MYO5C: variants seen among roughly 807,000 people sequenced by gnomAD.
MYO5C encodes unconventional myosin-Vc.
In MYO5C, 194 loss-of-function variants were observed where a neutral mutation model predicts 235.7. The ratio of observed to expected loss-of-function variants is 0.82; its 90% CI spans 0.73 to 0.93. MYO5C has a LOEUF of 0.93. MYO5C is among the 40% of genes least tolerant of loss of function. The probability of loss-of-function intolerance (pLI) is 0.00; values close to 1 mark genes in which losing one functional copy is unlikely to be tolerated. For missense variants in MYO5C, 2,038 were observed against 2,127.2 expected (o/e 0.96, Z 0.82); for synonymous variants, 707 against 754.8 (o/e 0.94, Z 1.04).
rs748048134 is a variant in MYO5C, at chr15:52,251,488, G to A, written c.1564C>T (p.Leu522Phe). 8 of 1,607,240 alleles carry A rather than the reference G, an allele frequency of 5.0e-6. No homozygotes were observed. The highest frequency in any genetic ancestry group is 6.0e-6 in the Non-Finnish European group (7 of 1,176,292). ...ACAAAATTATTATACAGCTTTTGAA[G>A]CCAGTTTTCATCAGTTCCATGTGGT... ...LLPHGTDENW[L>F]QKLYNNFVNR... Residue 522 changes from leucine (L) to phenylalanine (F), a missense_variant, in exon 13 of 41, where the codon CTT (leucine) becomes TTT (phenylalanine). Transcript: ENST00000261839.
Position 52,195,428 on chromosome 15 carries a change from AG to A in MYO5C, c.5024del (p.Pro1675LeufsTer2). The A allele has an allele frequency of 6.2e-7, 1 of 1,613,204 alleles. No individual in the cohort carries two copies. The highest frequency in any genetic ancestry group is 8.5e-7 in the Non-Finnish European group (1 of 1,179,470). On this transcript the variant is annotated frameshift_variant, in exon 40 of 41. Transcript: ENST00000261839. LOFTEE classifies it high-confidence loss of function. Reference sequence around the variant, plus strand: ...TCACTCTCTTCTCAAAGTCATCTATAGGTGTGTATGAATTAAGGATCTTTAT... The same window carrying A: ...TCACTCTCTTCTCAAAGTCATCTATAGTGTGTATGAATTAAGGATCTTTAT... Reference protein sequence around the residue: ...QIIKILNSYTPIDDFEKRVTP... With the variant: ...QIIKILNSYTXIDDFEKRVTP...
chr15:52,234,989 C>T (rs1279195088), intron 23 of MYO5C, among the ~76,000 whole-genome samples: 1 of 109,330 alleles, frequency 9.1e-6, no homozygotes, highest in African/African-American at 5.5e-5. Context: ...TCAGGGATCA[C>T]CAGGCTCTGT....
intron 8 of MYO5C, among the ~76,000 whole-genome samples, chr15:52,268,063 A>AG (rs1240499034): frequency 2.0e-5 from 3 of 152,226 alleles, no homozygotes; most frequent in African/African-American, 4.8e-5. Flanking sequence ...AGCAGGTTTG[A>AG]GGGAACAGTC....
At chr15:52,222,671 G>C (rs192746979) in intron 29 of MYO5C, among the ~76,000 whole-genome samples, 2 of 151,994 alleles carry the variant, frequency 1.3e-5, no homozygotes, top group African/African-American at 4.8e-5. Context: ...AGTATGCCTA[G>C]AGGGTCTTTG....
chr15:52,225,855 G>A (rs1208434504), intron 25 of MYO5C, among the ~76,000 whole-genome samples: 1 of 152,082 alleles, frequency 6.6e-6, no homozygotes, highest in Non-Finnish European at 1.5e-5. Flanking sequence ...TTTGAGACCA[G>A]CCTGACCAAC....
At chr15:52,201,110 G>A (rs1207524570) in intron 38 of MYO5C, among the ~76,000 whole-genome samples, 2 of 152,176 alleles carry the variant, frequency 1.3e-5, no homozygotes, top group African/African-American at 4.8e-5. Context: ...CAAAGAGTAT[G>A]ATGCAGACAA....
chr15:52,197,824 C>A (rs1055656769), intron 38 of MYO5C, among the ~76,000 whole-genome samples: 3 of 151,812 alleles, frequency 2.0e-5, no homozygotes, highest in African/African-American at 7.3e-5. Flanking sequence ...TTAGTAGAGA[C>A]AGGGTTTCAC....
At chr15:52,236,537 G>T (rs1415477562) in intron 22 of MYO5C, among the ~76,000 whole-genome samples, 3 of 152,194 alleles carry the variant, frequency 2.0e-5, no homozygotes, top group African/African-American at 7.2e-5. Flanking sequence ...TTAGCCGGGC[G>T]TCATGGCGCA....
rs2036759139 is a variant in MYO5C at position 52,264,425 on chromosome 15, A to G, written c.941-129T>C. 13 of 696,228 alleles carry G rather than the reference A, an allele frequency of 1.9e-5. No homozygotes were observed. The South Asian group carries it at 2.4e-4, about 13-fold the overall frequency. 43.1% of individuals were successfully genotyped at this position (696,228 alleles called of 1,614,324 possible). A position where few individuals can be genotyped will look rare whatever the true frequency, so the allele number is the denominator to read the frequency against. Reference sequence around the variant, plus strand: ...GCTCTGGGACAGGAACGTGAAGTGGACCCCAGGGGCATCTGGGGCACTGTT... The same window carrying G: ...GCTCTGGGACAGGAACGTGAAGTGGGCCCCAGGGGCATCTGGGGCACTGTT... On this transcript the variant is annotated intron_variant, in intron 8 of 40. Coordinates refer to ENST00000261839, the MANE Select transcript of MYO5C (RefSeq NM_018728.4).
At chr15:52,225,931 T>C (rs899598002) in intron 25 of MYO5C, among the ~76,000 whole-genome samples, 7 of 152,020 alleles carry the variant, frequency 4.6e-5, no homozygotes, top group Non-Finnish European at 8.8e-5. Flanking sequence ...ACGCCTGTAA[T>C]CCTAGCTACT....
At chr15:52,272,246 C>A (rs1208501377) in intron 6 of MYO5C, among the ~76,000 whole-genome samples, 1 of 152,212 alleles carries the variant, frequency 6.6e-6, no homozygotes, top group African/African-American at 2.4e-5. Context: ...CCATTCCCTT[C>A]CTGATAGGAA....
chr15:52,279,160 T>C, intron 3 of MYO5C, 143 bp from the exon 4 acceptor site: 2 of 857,602 alleles, frequency 2.3e-6, no homozygotes, highest in Admixed American at 2.8e-5. Context: ...ACTGAATTAA[T>C]TCCCTGCCAG....
chr15:52,247,508 G>C lies in MYO5C; in HGVS notation c.1831C>G (p.Gln611Glu). ...TGCTTGCTGTTTGGCTTGATGACTT[G>C]CTTTGCAGATTTAACTGTAATCATT... ...GSMITVKSAK[Q>E]VIKPNSKHFR... is the part of the protein sequence containing the mutation. Residue 611 changes from glutamine (Q) to glutamate (E), a missense_variant, in exon 15 of 41, where the codon CAA becomes GAA. Coordinates refer to ENST00000261839, the MANE Select transcript of MYO5C (RefSeq NM_018728.4). 2.5e-6 allele frequency: 4 copies of C among 1,614,160 alleles called. No homozygotes were observed. The highest frequency in any genetic ancestry group is 3.4e-6 in the Non-Finnish European group (4 of 1,180,020).
chr15:52,244,476 C>T lies in MYO5C; in HGVS notation c.2270G>A (p.Arg757Lys), dbSNP rs775048651. Residue 757 changes from arginine (R) to lysine (K), a missense_variant, in exon 19 of 41, where the codon AGG becomes AAG. Coordinates refer to ENST00000261839, the MANE Select transcript of MYO5C (RefSeq NM_018728.4). Reference sequence around the variant, plus strand: ...CTTTTGTACCATAACACAACTCTGCCTCAGTTTATCCAATCGAAGTTTCTC... The same window carrying T: ...CTTTTGTACCATAACACAACTCTGCTTCAGTTTATCCAATCGAAGTTTCTC... ...YLEKLRLDKL[R>K]QSCVMVQKHM... The T allele has an allele frequency of 6.2e-7, 1 of 1,614,164 alleles. No individual in the cohort carries two copies. Among genetic ancestry groups the T allele is most frequent in the Non-Finnish European group, 8.5e-7 (1 of 1,180,042 alleles).
intron 29 of MYO5C, 150 bp from the exon 30 acceptor site, chr15:52,221,405 A>AT (rs558803588): frequency 3.7e-4 from 206 of 563,912 alleles, no homozygotes; most frequent in South Asian, 1.0e-3. Flanking sequence ...CTGGATTAAC[A>AT]TTTTTTTTTA....
chr15:52,234,838 A>C (rs539684636), intron 23 of MYO5C, among the ~76,000 whole-genome samples: 107 of 152,184 alleles, frequency 7.0e-4, no homozygotes, highest in South Asian at 3.3e-3. Flanking sequence ...TCTGGGCCCC[A>C]TCATATCCAC....
chr15:52,249,844 G>A (rs572876075), intron 13 of MYO5C, among the ~76,000 whole-genome samples: 2 of 152,186 alleles, frequency 1.3e-5, no homozygotes, highest in Non-Finnish European at 2.9e-5. Context: ...AAGCTCAGCT[G>A]ACTTGCATTC....
At chr15:52,277,875 A>C (rs1235774300) in intron 4 of MYO5C, 4 of 455,782 alleles carry the variant, frequency 8.8e-6, no homozygotes, top group Admixed American at 2.4e-5. Context: ...CCCTCATTAT[A>C]AGCATCAGAA....
chr15:52,286,096 G>C (rs2037261335), intron 1 of MYO5C, among the ~76,000 whole-genome samples: 1 of 151,986 alleles, frequency 6.6e-6, no homozygotes, highest in Non-Finnish European at 1.5e-5. Context: ...CGTCTGAGAA[G>C]TGAGGAGCCC....
Sources: allele counts gnomAD v4.1 joint callset (sites outside exome capture counted in the v4.1 genomes callset), GRCh38; gene constraint gnomAD v4.1.1; transcripts MANE v1.5; gene names NCBI Gene and HGNC (gene_info 2026-07-23, HGNC 2026-07-21).